RIMS1: variants seen among roughly 807,000 people sequenced by gnomAD.
The protein encoded by RIMS1 is regulating synaptic membrane exocytosis protein 1.
A neutral mutation model predicts 214.1 loss-of-function variants in RIMS1; 83 were observed. The ratio of observed to expected loss-of-function variants is 0.39; its 90% CI spans 0.32 to 0.47. The LOEUF is 0.47. Among genes scored for constraint, RIMS1 ranks in the 20% least tolerant of loss-of-function variants. The pLI, the probability that RIMS1 is intolerant of heterozygous loss-of-function variation, is 0.99. For missense variants in RIMS1, 2,050 were observed against 2,161.8 expected (o/e 0.95, Z 1.03); for synonymous variants, 793 against 786.8 (o/e 1.01, Z -0.13).
intron 10 of RIMS1, among the ~76,000 whole-genome samples, chr6:72,244,428 C>T (rs917996618): frequency 6.6e-6 from 1 of 151,914 alleles, no homozygotes; most frequent in Non-Finnish European, 1.5e-5. Context: ...TCTTTTTTCA[C>T]AGGCATGTAA....
chr6:71,920,453 A>G (rs768410972), intron 1 of RIMS1, among the ~76,000 whole-genome samples: 2 of 152,198 alleles, frequency 1.3e-5, no homozygotes, highest in Admixed American at 6.5e-5. Context: ...TAAAATTATT[A>G]CAAAATAAAA....
chr6:71,986,638 T>A (rs1800055242), intron 2 of RIMS1, among the ~76,000 whole-genome samples: 1 of 152,212 alleles, frequency 6.6e-6, no homozygotes, highest in Non-Finnish European at 1.5e-5. Context: ...CACCATTAAC[T>A]GAGAGAGAAA....
chr6:72,378,699 C>T (rs2098435621), intron 29 of RIMS1, among the ~76,000 whole-genome samples: 1 of 152,056 alleles, frequency 6.6e-6, no homozygotes, highest in Admixed American at 6.6e-5. Flanking sequence ...ATTAGCCAGG[C>T]GTGGTGGCAG....
chr6:71,895,673 C>CAAAAAAA (rs70994105), intron 1 of RIMS1, among the ~76,000 whole-genome samples: 9 of 64,220 alleles, frequency 1.4e-4, no homozygotes, highest in Admixed American at 4.1e-4. Flanking sequence ...GACTCCCTCT[C>CAAAAAAA]AAAAAAAAAA....
In RIMS1 at chr6:72,335,191, C is replaced by T. The variant is rs139387447; in HGVS notation, c.4366+1356C>T. Among the ~76,000 whole-genome samples, 12 of 151,988 alleles carry T rather than the reference C, an allele frequency of 7.9e-5. No homozygotes were observed. The East Asian group carries it at 2.3e-3, about 30-fold the overall frequency. On this transcript the variant is annotated intron_variant, in intron 29 of 33. Transcript: ENST00000521978. ...CCCACACCTACATTAGATATTTCTC[C>T]TAGGCCTCCTAGGAGATATTTCTGC...
intron 4 of RIMS1, among the ~76,000 whole-genome samples, chr6:72,171,478 A>G (rs377358742): frequency 6.6e-6 from 1 of 152,076 alleles, no homozygotes; most frequent in Non-Finnish European, 1.5e-5. Context: ...CTTTCTGATA[A>G]TGATAAAATA....
At chr6:72,088,047 C>T (rs976855115) in intron 2 of RIMS1, among the ~76,000 whole-genome samples, 2 of 152,072 alleles carry the variant, frequency 1.3e-5, no homozygotes, top group African/African-American at 4.8e-5. Flanking sequence ...TGGTCTGCTA[C>T]TACAGGCTTC....
At chr6:72,308,839 CTTG>C (rs368294229) in intron 27 of RIMS1, among the ~76,000 whole-genome samples, 109 of 152,244 alleles carry the variant, frequency 7.2e-4, no homozygotes, top group Middle Eastern at 3.4e-3. Flanking sequence ...TTGTCTGCAA[CTTG>C]TTATTTATGG....
At chr6:72,095,730 C>G (rs901270976) in intron 2 of RIMS1, among the ~76,000 whole-genome samples, 1 of 152,220 alleles carries the variant, frequency 6.6e-6, no homozygotes, top group Non-Finnish European at 1.5e-5. Context: ...CTGGACCTAA[C>G]TTATTTGATT....
chr6:72,350,086 T>C (rs950665738), intron 29 of RIMS1, among the ~76,000 whole-genome samples: 4 of 152,110 alleles, frequency 2.6e-5, no homozygotes, highest in African/African-American at 9.6e-5. Flanking sequence ...TGTCTTCTCA[T>C]GGATCATTCT....
At chr6:71,962,590 T>G (rs956017439) in intron 1 of RIMS1, among the ~76,000 whole-genome samples, 3 of 152,188 alleles carry the variant, frequency 2.0e-5, no homozygotes, top group Non-Finnish European at 4.4e-5. Flanking sequence ...GAATTTTCAC[T>G]GTTCCATCTT....
chr6:72,144,323 C>T (rs2042434145), intron 4 of RIMS1, among the ~76,000 whole-genome samples: 1 of 152,184 alleles, frequency 6.6e-6, no homozygotes, highest in African/African-American at 2.4e-5. Context: ...GGAGTAACAT[C>T]TACTTAACTT....
At chr6:72,344,825 C>G (rs911619417) in intron 29 of RIMS1, among the ~76,000 whole-genome samples, 5 of 151,658 alleles carry the variant, frequency 3.3e-5, no homozygotes, top group African/African-American at 4.8e-5. Flanking sequence ...TATGTTTGTT[C>G]TTTTCCTTGC....
At chr6:71,958,824 C>A (rs1030159228) in intron 1 of RIMS1, among the ~76,000 whole-genome samples, 8 of 152,048 alleles carry the variant, frequency 5.3e-5, no homozygotes, top group Non-Finnish European at 1.0e-4. Context: ...AGTAAGAAAT[C>A]CTGTTTGCTA....
intron 2 of RIMS1, among the ~76,000 whole-genome samples, chr6:72,042,803 C>T (rs576284460): frequency 9.2e-5 from 14 of 151,686 alleles, no homozygotes; most frequent in African/African-American, 2.4e-4. Flanking sequence ...ATGCAGACCA[C>T]GATAAAAACT....
chr6:71,897,707 C>G (rs887246954), intron 1 of RIMS1, among the ~76,000 whole-genome samples: 14 of 152,110 alleles, frequency 9.2e-5, no homozygotes, highest in Admixed American at 9.2e-4. Flanking sequence ...ACAGTGTCCT[C>G]TCAGTACAGC....
chr6:72,282,246 T>A (rs1407555815), intron 23 of RIMS1, among the ~76,000 whole-genome samples: 1 of 152,082 alleles, frequency 6.6e-6, no homozygotes, highest in Non-Finnish European at 1.5e-5. Context: ...CCTGCAGATC[T>A]AATTACTAAT....
intron 1 of RIMS1, among the ~76,000 whole-genome samples, chr6:71,897,840 T>A (rs1337508550): frequency 6.6e-6 from 1 of 152,130 alleles, no homozygotes; most frequent in Non-Finnish European, 1.5e-5. Flanking sequence ...AATGAATGAA[T>A]GAATTAGATT....
At chr6:72,376,404 T>A (rs2154409513) in intron 29 of RIMS1, among the ~76,000 whole-genome samples, 1 of 152,206 alleles carries the variant, frequency 6.6e-6, no homozygotes, top group Middle Eastern at 3.4e-3. Context: ...CCACATCTGC[T>A]CCTTTCCTTG....
Sources: gnomAD v4.1 joint callset for allele counts (sites outside exome capture counted in the v4.1 genomes callset) on GRCh38, gnomAD v4.1.1 for gene constraint, MANE v1.5 for transcripts, NCBI Gene and HGNC (gene_info 2026-07-23, HGNC 2026-07-21) for gene names.